Variants in HYDIN observed in about 807,000 individuals in gnomAD.
The protein encoded by HYDIN is axonemal central pair apparatus protein HYDIN.
Under a neutral mutation model 403.9 loss-of-function variants are expected in HYDIN, and 132 were observed. That is an observed-to-expected ratio of 0.33 (90% CI 0.28 to 0.38). HYDIN has a LOEUF of 0.38. HYDIN is among the 10% of genes least tolerant of loss of function. HYDIN has a pLI of 1.00. For synonymous variants in HYDIN, 1,202 were observed against 1,891.7 expected (o/e 0.64, Z 9.46); for missense variants, 2,827 against 5,009.5 (o/e 0.56, Z 13.15).
intron 12 of HYDIN, among the ~76,000 whole-genome samples, chr16:71,083,724 A>G (rs564962830): frequency 6.6e-6 from 1 of 152,284 alleles, no homozygotes; most frequent in Non-Finnish European, 1.5e-5. Context: ...AGTGCCTGCC[A>G]CTTTGCGTAG....
intron 7 of HYDIN, among the ~76,000 whole-genome samples, chr16:71,152,436 T>C (rs904315828): frequency 6.7e-6 from 1 of 150,136 alleles, no homozygotes; most frequent in African/African-American, 2.4e-5. Flanking sequence ...TCGTAGTGAT[T>C]TCTGAGATTT....
At chr16:71,117,410 T>C (rs1189309715) in intron 9 of HYDIN, among the ~76,000 whole-genome samples, 1 of 151,208 alleles carries the variant, frequency 6.6e-6, no homozygotes, top group Non-Finnish European at 1.5e-5. Context: ...AAGGGGTTCC[T>C]AAGGTCTGAC....
At chr16:71,203,921 T>C (rs2088158596) in intron 1 of HYDIN, 1 of 420,124 alleles carries the variant, frequency 2.4e-6, no homozygotes, top group Non-Finnish European at 4.7e-6. Context: ...CAAGATTAGC[T>C]GTGCATGGTG....
In HYDIN at chr16:70,985,256, T is replaced by G. The variant is rs2079156124; in HGVS notation, c.4261A>C (p.Lys1421Gln). The G allele has an allele frequency of 1.9e-6, 3 of 1,567,664 alleles. No individual in the cohort carries two copies. Among genetic ancestry groups the G allele is most frequent in the Non-Finnish European group, 2.6e-6 (3 of 1,141,078 alleles). Residue 1421 changes from lysine (K) to glutamine (Q), a missense_variant, in exon 28 of 86, where the codon AAG (lysine) becomes CAG (glutamine). Lys to Gln is a moderately conservative substitution (Grantham distance 53). Coordinates refer to ENST00000393567, the MANE Select transcript of HYDIN (RefSeq NM_001270974.2). ...TNMGKVGFEF[K>Q]VLTDHQSSPD... Reference sequence around the variant, plus strand: ...GAAGACTGGTGGTCAGTCAGAACCTTGAACTCAAAGCCAACTTTCCCCATG... The same window carrying G: ...GAAGACTGGTGGTCAGTCAGAACCTGGAACTCAAAGCCAACTTTCCCCATG...
intron 7 of HYDIN, among the ~76,000 whole-genome samples, chr16:71,150,683 T>C (rs574940934): frequency 4.6e-5 from 7 of 152,110 alleles, no homozygotes; most frequent in African/African-American, 1.7e-4. Context: ...AGTGTTAATC[T>C]TGTAAGAAAA....
At chr16:71,083,769 A>C (rs2082853975) in intron 12 of HYDIN, among the ~76,000 whole-genome samples, 1 of 151,550 alleles carries the variant, frequency 6.6e-6, no homozygotes, top group East Asian at 1.9e-4. Context: ...CTCTCTGTCC[A>C]GCCGAGGTCA....
chr16:70,837,703 C>T lies in HYDIN; in HGVS notation c.13229G>A (p.Gly4410Asp), dbSNP rs752619450. 7 of 1,613,786 alleles carry T rather than the reference C, an allele frequency of 4.3e-6. No homozygotes were observed. In the Admixed American group the frequency reaches 6.7e-5, roughly 15 times the overall value. ...SQQTVEIKGK[G>D]TKMKILVLDP... ...ACTGTCTGTTACCTTCATTTTGGTA[C>T]CCTTCCCTTTGATTTCGACTGTTTG... is the stretch of plus-strand genomic sequence containing the variant. Residue 4410 changes from glycine to aspartate, a missense_variant, in exon 77 of 86, where the codon GGT becomes GAT. Physicochemically the swap from Gly to Asp is moderately conservative, Grantham distance 94 (BLOSUM62 -1). Coordinates refer to ENST00000393567, the MANE Select transcript of HYDIN (RefSeq NM_001270974.2).
At position 71,067,325 on chromosome 16, in the gene HYDIN, G is replaced by A. The variant is rs530000205; in HGVS notation, c.2040C>T (p.Ile680=). The change falls in exon 15 of 86, where the codon ATC becomes ATT. Residue 680 remains isoleucine (I), a synonymous_variant. Coordinates refer to ENST00000393567, the MANE Select transcript of HYDIN (RefSeq NM_001270974.2). ...ELALVVDVEG[I]GEEVLALLIT... Reference sequence around the variant, plus strand: ...TTAAGAGCGCCAGCACCTCTTCTCCGATGCCCTCCACGTCCACCACGAGTG... The same window carrying A: ...TTAAGAGCGCCAGCACCTCTTCTCCAATGCCCTCCACGTCCACCACGAGTG... 1.7e-5 allele frequency: 28 copies of A among 1,613,112 alleles called. No homozygotes were observed. Among genetic ancestry groups the A allele is most frequent in the African/African-American group, 6.7e-5 (5 of 74,940 alleles).
chr16:71,020,357 T>C, intron 21 of HYDIN, 40 bp from the exon 22 acceptor site: 4 of 1,592,102 alleles, frequency 2.5e-6, no homozygotes, highest in Middle Eastern at 1.7e-4. Flanking sequence ...CAACTTATGG[T>C]AAATACAGTA....
chr16:71,026,671 C>A (rs2080711738), intron 20 of HYDIN, among the ~76,000 whole-genome samples: 2 of 152,252 alleles, frequency 1.3e-5, no homozygotes, highest in South Asian at 2.1e-4. Context: ...ATCTTTTCCA[C>A]AATGAGAGAT....
chr16:70,835,007 TAC>T (rs1395776560), intron 78 of HYDIN, among the ~76,000 whole-genome samples: 1 of 146,982 alleles, frequency 6.8e-6, no homozygotes, highest in Non-Finnish European at 1.5e-5. Context: ...CATATATATA[TAC>T]ACACACATAT....
chr16:70,890,853 C>T (rs1182791836), intron 57 of HYDIN, among the ~76,000 whole-genome samples: 1 of 151,794 alleles, frequency 6.6e-6, no homozygotes, highest in African/African-American at 2.4e-5. Flanking sequence ...CAATAATAGT[C>T]CCTGGTAGGC....
chr16:70,946,878 T>C (rs919365971), intron 41 of HYDIN, among the ~76,000 whole-genome samples: 2 of 152,210 alleles, frequency 1.3e-5, no homozygotes, highest in African/African-American at 4.8e-5. Flanking sequence ...GTGATTTTTG[T>C]ACATTGATTT....
chr16:71,198,732 A>G (rs1448968013), intron 1 of HYDIN, among the ~76,000 whole-genome samples: 1 of 152,180 alleles, frequency 6.6e-6, no homozygotes, highest in South Asian at 2.1e-4. Context: ...ACTGGATTGC[A>G]ATGAATCCTG....
intron 64 of HYDIN, among the ~76,000 whole-genome samples, chr16:70,872,413 TC>T (rs2040176503): frequency 1.6e-5 from 2 of 123,952 alleles, no homozygotes; most frequent in East Asian, 2.3e-4. Context: ...CATCCATCCA[TC>T]ATCCACCCAC....
chr16:70,892,337 C>G (rs1231324697), intron 56 of HYDIN, 24 bp downstream of exon 56: 1 of 1,563,708 alleles, frequency 6.4e-7, no homozygotes, highest in African/African-American at 1.4e-5. Flanking sequence ...ATTGAGGCAG[C>G]CCCTCCCTTT....
intron 83 of HYDIN, among the ~76,000 whole-genome samples, chr16:70,822,690 C>T (rs2036343744): frequency 6.6e-6 from 1 of 152,226 alleles, no homozygotes; most frequent in Non-Finnish European, 1.5e-5. Flanking sequence ...GTCACCCCCA[C>T]CTTCAGTAAC....
At chr16:70,816,103 C>G (rs567279405) in intron 84 of HYDIN, among the ~76,000 whole-genome samples, 1 of 151,916 alleles carries the variant, frequency 6.6e-6, no homozygotes, top group African/African-American at 2.4e-5. Flanking sequence ...GACTCTGTCT[C>G]AAAAATAAAC....
intron 5 of HYDIN, among the ~76,000 whole-genome samples, chr16:71,170,247 A>G (rs972199680): frequency 2.0e-5 from 3 of 152,208 alleles, no homozygotes; most frequent in African/African-American, 7.2e-5. Context: ...TGTTGTTGTT[A>G]TTGTTTTTAG....
Sources: gnomAD v4.1 joint callset for allele counts (sites outside exome capture counted in the v4.1 genomes callset) on GRCh38, gnomAD v4.1.1 for gene constraint, MANE v1.5 for transcripts, NCBI Gene and HGNC (gene_info 2026-07-23, HGNC 2026-07-21) for gene names.